The following VRK2 variants were observed in gnomAD, a reference collection of about 807,000 sequenced individuals.
VRK2 encodes the protein VRK serine/threonine kinase 2.
A neutral mutation model predicts 57.6 loss-of-function variants in VRK2; 60 were observed. The ratio of observed to expected loss-of-function variants is 1.04; its 90% CI spans 0.85 to 1.29. The LOEUF (loss-of-function observed/expected upper bound fraction) is 1.29, where lower values mean the gene tolerates loss of function less well. VRK2 is among the 50% of genes most tolerant of loss of function. The probability of loss-of-function intolerance (pLI) is 0.00; values close to 1 mark genes in which losing one functional copy is unlikely to be tolerated. For missense variants in VRK2, 705 were observed against 588.1 expected (o/e 1.20, Z -2.06); for synonymous variants, 231 against 199.2 (o/e 1.16, Z -1.35).
At chr2:58,116,309 A>C (rs1287706949) in intron 7 of VRK2, among the ~76,000 whole-genome samples, 1 of 150,798 alleles carries the variant, frequency 6.6e-6, no homozygotes, top group African/African-American at 2.5e-5. Flanking sequence ...GAGGCTTTGG[A>C]TTGGGAAGAA....
chr2:58,034,085 T>C (rs1157452742), intron 3 of VRK2, among the ~76,000 whole-genome samples: 1 of 152,082 alleles, frequency 6.6e-6, no homozygotes, highest in Non-Finnish European at 1.5e-5. Flanking sequence ...CACCTCTCAC[T>C]ATGAATCATT....
intron 1 of VRK2, chr2:58,048,584 T>G: frequency 7.0e-7 from 1 of 1,433,790 alleles, no homozygotes; most frequent in Non-Finnish European, 9.3e-7. Context: ...TTGGATGAAA[T>G]TTGGTTAGTT....
intron 2 of VRK2, among the ~76,000 whole-genome samples, chr2:58,065,941 G>T (rs1668546206): frequency 1.3e-5 from 2 of 152,060 alleles, no homozygotes; most frequent in Admixed American, 1.3e-4. Flanking sequence ...TGTGTGTTGT[G>T]TGTTGTGTGT....
At chr2:58,071,922 A>G (rs1669413967) in intron 2 of VRK2, among the ~76,000 whole-genome samples, 1 of 151,964 alleles carries the variant, frequency 6.6e-6, no homozygotes, top group South Asian at 2.1e-4. Context: ...AACATGATGT[A>G]TCTCTCCATA....
chr2:57,912,541 C>T (rs1437333783), intron 1 of VRK2, among the ~76,000 whole-genome samples: 1 of 152,038 alleles, frequency 6.6e-6, no homozygotes, highest in Non-Finnish European at 1.5e-5. Context: ...AGGCAAAACC[C>T]AGCTCAGAAA....
intron 1 of VRK2, among the ~76,000 whole-genome samples, chr2:57,942,659 C>T (rs1018416817): frequency 6.6e-6 from 1 of 152,172 alleles, no homozygotes; most frequent in Admixed American, 6.5e-5. Context: ...AACTACTGTA[C>T]CTTGCAGGGC....
chr2:58,004,320 T>C (rs1293674069), intron 1 of VRK2, among the ~76,000 whole-genome samples: 2 of 152,188 alleles, frequency 1.3e-5, no homozygotes, highest in African/African-American at 4.8e-5. Context: ...GAAGATGTGA[T>C]ATGATTTGTA....
At chr2:58,121,993 A>C (rs1677582824) in intron 7 of VRK2, among the ~76,000 whole-genome samples, 1 of 152,180 alleles carries the variant, frequency 6.6e-6, no homozygotes, top group Non-Finnish European at 1.5e-5. Flanking sequence ...TCTGAGGTAA[A>C]TTCACTTGAA....
chr2:58,113,697 T>C (rs980676075), intron 7 of VRK2, among the ~76,000 whole-genome samples: 10 of 152,014 alleles, frequency 6.6e-5, no homozygotes, highest in Admixed American at 3.9e-4. Context: ...GTTAATCACT[T>C]AGTTAAGGTG....
intron 1 of VRK2, among the ~76,000 whole-genome samples, chr2:57,956,556 T>A (rs867244366): frequency 5.9e-5 from 9 of 152,144 alleles, no homozygotes; most frequent in Non-Finnish European, 7.4e-5. Flanking sequence ...TGGATTTAAT[T>A]CTTTATTCAC....
rs1027077980 is a variant in VRK2 at position 57,992,780 on chromosome 2, G to C, written c.-438-32885G>C. On this transcript the variant is annotated intron_variant, in intron 1 of 15. Transcript: ENST00000417641. ...CTCGATCTCCTGACCTCATGATCCA[G>C]CCGCCTCGGCCTCCCAAAGTGCTGG... Among the ~76,000 whole-genome samples, 5 of 151,536 alleles carry C rather than the reference G, an allele frequency of 3.3e-5. No individual in the cohort carries two copies. In the East Asian group the frequency reaches 5.9e-4, roughly 18 times the overall value.
intron 7 of VRK2, among the ~76,000 whole-genome samples, chr2:58,116,955 A>G (rs762744299): frequency 2.0e-4 from 31 of 152,064 alleles, no homozygotes; most frequent in South Asian, 2.1e-4. Context: ...TGTGCTGGAG[A>G]TGTGGCTGGG....
At chr2:57,910,841 T>G (rs970611949) in intron 1 of VRK2, among the ~76,000 whole-genome samples, 1 of 152,142 alleles carries the variant, frequency 6.6e-6, no homozygotes, top group Non-Finnish European at 1.5e-5. Flanking sequence ...CTAGATGTCA[T>G]CCTCTTACAC....
chr2:57,909,798 T>C (rs1461599483), intron 1 of VRK2, among the ~76,000 whole-genome samples: 1 of 152,190 alleles, frequency 6.6e-6, no homozygotes, highest in Non-Finnish European at 1.5e-5. Context: ...TAGAGATCTG[T>C]CAAGAATTGA....
At chr2:58,073,868 T>C (rs949270055) in intron 2 of VRK2, among the ~76,000 whole-genome samples, 2 of 151,934 alleles carry the variant, frequency 1.3e-5, no homozygotes, top group Admixed American at 1.3e-4. Context: ...TAAGACAGTC[T>C]AATCTTTTCA....
intron 1 of VRK2, among the ~76,000 whole-genome samples, chr2:57,955,389 A>T (rs1671550483): frequency 6.6e-6 from 1 of 152,126 alleles, no homozygotes; most frequent in Non-Finnish European, 1.5e-5. Context: ...ATCTCTACCA[A>T]CTCCCTAAAT....
chr2:58,097,977 G>A (rs1673402670), intron 7 of VRK2, among the ~76,000 whole-genome samples: 1 of 152,030 alleles, frequency 6.6e-6, no homozygotes, highest in East Asian at 1.9e-4. Context: ...TCATCGGAGA[G>A]GACAGCTCCA....
intron 1 of VRK2, among the ~76,000 whole-genome samples, chr2:57,999,402 C>A (rs945869029): frequency 3.9e-5 from 6 of 151,996 alleles, no homozygotes; most frequent in African/African-American, 1.5e-4. Context: ...TACATGTATG[C>A]ACGTAATGTT....
chr2:57,982,694 G>A (rs1246788885), intron 1 of VRK2, among the ~76,000 whole-genome samples: 2 of 152,204 alleles, frequency 1.3e-5, no homozygotes, highest in African/African-American at 2.4e-5. Context: ...GGCAGATGTG[G>A]AGAATAGAGG....
Sources: allele counts gnomAD v4.1 joint callset (sites outside exome capture counted in the v4.1 genomes callset), GRCh38; gene constraint gnomAD v4.1.1; transcripts MANE v1.5; gene names NCBI Gene and HGNC (gene_info 2026-07-23, HGNC 2026-07-21).